The following MEI4 variants were observed in gnomAD, a reference collection of about 807,000 sequenced individuals.
MEI4 encodes the protein meiotic double-stranded break formation protein 4.
MEI4 carries 27 observed loss-of-function variants against 31.4 expected under a neutral mutation model. That is an observed-to-expected ratio of 0.86 (90% confidence interval 0.63 to 1.19). The LOEUF (loss-of-function observed/expected upper bound fraction) is 1.19, where lower values mean the gene tolerates loss of function less well. MEI4 is among the 50% of genes most tolerant of loss of function. The pLI is 0.00. For synonymous variants in MEI4, 122 were observed against 145.4 expected (o/e 0.84, Z 1.16); for missense variants, 329 against 398.9 (o/e 0.82, Z 1.49).
At chr6:77,726,604 C>T (rs1766827871) in intron 2 of MEI4, among the ~76,000 whole-genome samples, 1 of 151,936 alleles carries the variant, frequency 6.6e-6, no homozygotes, top group Non-Finnish European at 1.5e-5. Context: ...TGAGGTTTGC[C>T]CTAAGACATT....
Position 77,699,844 on chromosome 6 carries a change from C to T in MEI4, c.232+8941C>T, listed in dbSNP as rs367767995. On this transcript the variant is annotated intron_variant, in intron 2 of 4. Transcript: ENST00000684080. ...TCTGTTGGAGTTTGCTGGAGGTCCACTCCACATCCTGTTTACCTGGGTGTC... is the reference window on the plus strand; with the variant it reads ...TCTGTTGGAGTTTGCTGGAGGTCCATTCCACATCCTGTTTACCTGGGTGTC... 5.3e-5 allele frequency among the ~76,000 whole-genome samples: 8 copies of T among 152,290 alleles called. No individual in the cohort carries two copies. In the East Asian group the frequency reaches 1.5e-3, roughly 29 times the overall value.
At chr6:77,833,626 T>G (rs1650607064) in intron 4 of MEI4, among the ~76,000 whole-genome samples, 1 of 152,196 alleles carries the variant, frequency 6.6e-6, no homozygotes, top group African/African-American at 2.4e-5. Context: ...GTATTTATTT[T>G]ATTTGATTTT....
At chr6:77,862,102 C>T (rs1429794582) in intron 4 of MEI4, among the ~76,000 whole-genome samples, 1 of 151,416 alleles carries the variant, frequency 6.6e-6, no homozygotes, top group Non-Finnish European at 1.5e-5. Context: ...CCAAGATGGC[C>T]GAATAGGAAC....
At chr6:77,901,580 A>T (rs1766189647) in intron 4 of MEI4, among the ~76,000 whole-genome samples, 1 of 151,784 alleles carries the variant, frequency 6.6e-6, no homozygotes, top group Admixed American at 6.6e-5. Context: ...TTACTATTGA[A>T]TTGTTTGACT....
chr6:77,678,426 T>C (rs1768885231), intron 1 of MEI4, among the ~76,000 whole-genome samples: 1 of 152,168 alleles, frequency 6.6e-6, no homozygotes, highest in Non-Finnish European at 1.5e-5. Context: ...GAATTTGAAA[T>C]GTTTGGTATA....
At chr6:77,911,754 A>T (rs1318758986) in intron 4 of MEI4, among the ~76,000 whole-genome samples, 1 of 148,748 alleles carries the variant, frequency 6.7e-6, no homozygotes, top group African/African-American at 2.4e-5. Context: ...ATATAAATAC[A>T]TCTTCTTTAT....
chr6:77,804,687 A>T (rs775371531), intron 3 of MEI4, among the ~76,000 whole-genome samples: 1 of 152,210 alleles, frequency 6.6e-6, no homozygotes, highest in Admixed American at 6.5e-5. Context: ...GTTTCTGAGT[A>T]TACTGATATC....
chr6:77,682,715 ACT>A, intron 1 of MEI4, among the ~76,000 whole-genome samples: 1 of 151,862 alleles, frequency 6.6e-6, no homozygotes, highest in South Asian at 2.1e-4. Context: ...TTGTGTGCCT[ACT>A]GTGAGCCAGT....
chr6:77,887,114 G>A (rs7775380), intron 4 of MEI4, among the ~76,000 whole-genome samples: 125,324 of 151,694 alleles, frequency 0.83, 52,278 homozygotes, highest in East Asian at 0.95. Context: ...CCCTCTGAGC[G>A]CTGCCTTTGC....
chr6:77,682,161 A>G (rs1768970695), intron 1 of MEI4, among the ~76,000 whole-genome samples: 1 of 152,142 alleles, frequency 6.6e-6, no homozygotes, highest in African/African-American at 2.4e-5. Context: ...GGGATTTGAT[A>G]AATGCATATT....
chr6:77,700,511 G>A (rs1302191864), intron 2 of MEI4, among the ~76,000 whole-genome samples: 1 of 152,194 alleles, frequency 6.6e-6, no homozygotes, highest in Non-Finnish European at 1.5e-5. Flanking sequence ...TCTTTGACTA[G>A]GAAAGGGAAC....
At chr6:77,697,155 C>G (rs1237968181) in intron 2 of MEI4, among the ~76,000 whole-genome samples, 3 of 152,132 alleles carry the variant, frequency 2.0e-5, no homozygotes, top group Non-Finnish European at 4.4e-5. Flanking sequence ...ATTCTTCTCT[C>G]TTTTCTTCTT....
At chr6:77,695,939 T>C (rs1012724883) in intron 2 of MEI4, among the ~76,000 whole-genome samples, 15 of 152,198 alleles carry the variant, frequency 9.9e-5, no homozygotes, top group Non-Finnish European at 7.3e-5. Flanking sequence ...TTTTACTTCA[T>C]TGAGCAGTGG....
In MEI4 at chr6:77,726,447, T is replaced by C. The variant is rs1041495373; in HGVS notation, c.233-34683T>C. Reference sequence around the variant, plus strand: ...ATTAATGGAAAGAAAACTGCGGGCATGTGGTTAGGGATTTTCAGAGAAGAG... The same window carrying C: ...ATTAATGGAAAGAAAACTGCGGGCACGTGGTTAGGGATTTTCAGAGAAGAG... On this transcript the variant is annotated intron_variant, in intron 2 of 4. Transcript: ENST00000684080. Among the ~76,000 whole-genome samples the C allele has an allele frequency of 2.0e-5, 3 of 152,008 alleles. No homozygotes were observed. In the East Asian group the frequency reaches 5.8e-4, roughly 29 times the overall value.
chr6:77,732,473 G>A (rs184706968), intron 2 of MEI4, among the ~76,000 whole-genome samples: 1 of 152,058 alleles, frequency 6.6e-6, no homozygotes, highest in African/African-American at 2.4e-5. Context: ...TTTGCACATT[G>A]ATCTTGTATC....
At chr6:77,901,389 C>T (rs1159027328) in intron 4 of MEI4, among the ~76,000 whole-genome samples, 2 of 151,840 alleles carry the variant, frequency 1.3e-5, no homozygotes, top group African/African-American at 4.8e-5. Flanking sequence ...CTCTAATCTT[C>T]TTGATGATAG....
chr6:77,751,223 A>G (rs1767764982), intron 2 of MEI4, among the ~76,000 whole-genome samples: 1 of 152,190 alleles, frequency 6.6e-6, no homozygotes, highest in Admixed American at 6.6e-5. Flanking sequence ...AAACAAGAGC[A>G]AACAAATTCA....
intron 2 of MEI4, among the ~76,000 whole-genome samples, chr6:77,719,106 C>A (rs1766655030): frequency 7.1e-6 from 1 of 140,624 alleles, no homozygotes; most frequent in South Asian, 2.2e-4. Context: ...CTCACTTGTG[C>A]ACTTGGACAC....
chr6:77,911,080 G>T (rs2127738848), intron 4 of MEI4, among the ~76,000 whole-genome samples: 1 of 151,594 alleles, frequency 6.6e-6, no homozygotes, highest in East Asian at 1.9e-4. Context: ...AAGGCATGTT[G>T]GTTCATGTCC....
Sources: allele counts gnomAD v4.1 joint callset (sites outside exome capture counted in the v4.1 genomes callset), GRCh38; gene constraint gnomAD v4.1.1; transcripts MANE v1.5; gene names NCBI Gene and HGNC (gene_info 2026-07-23, HGNC 2026-07-21).